Variants in MSI1 observed in about 807,000 individuals in gnomAD.
The protein encoded by MSI1 is musashi RNA binding protein 1.
MSI1 carries 15 observed loss-of-function variants against 54.4 expected under a neutral mutation model. The observed-to-expected ratio is 0.28, with a 90% CI of 0.18 to 0.42. The LOEUF (loss-of-function observed/expected upper bound fraction) is 0.42, where lower values mean the gene tolerates loss of function less well. Among genes scored for constraint, MSI1 ranks in the 20% least tolerant of loss-of-function variants. The probability of loss-of-function intolerance (pLI) is 1.00; values close to 1 mark genes in which losing one functional copy is unlikely to be tolerated. For synonymous variants in MSI1, 200 were observed against 196.5 expected (o/e 1.02, Z -0.15); for missense variants, 304 against 506.0 (o/e 0.60, Z 3.83).
rs760128399 is a variant in MSI1, at chr12:120,353,279, G to A, written c.733+20C>T. The A allele has an allele frequency of 1.9e-6, 3 of 1,611,218 alleles. No individual in the cohort carries two copies. The highest frequency in any genetic ancestry group is 2.5e-6 in the Non-Finnish European group (3 of 1,177,566). ...AACCAGGGGCATGCTGGCAGCAGAG[G>A]GATACTGAGCAGGACTTACCGGGGA... is the stretch of plus-strand genomic sequence containing the variant. On this transcript the variant is annotated intron_variant, in intron 10 of 14. Coordinates refer to ENST00000257552, the MANE Select transcript of MSI1 (RefSeq NM_002442.4).
intron 6 of MSI1, among the ~76,000 whole-genome samples, chr12:120,362,227 G>A (rs1469946326): frequency 6.6e-6 from 1 of 151,928 alleles, no homozygotes; most frequent in African/African-American, 2.4e-5. Flanking sequence ...GGGGTGACTC[G>A]AAGTGTCTTG....
chr12:120,341,505 G>A lies in MSI1; in HGVS notation c.*1622C>T, dbSNP rs1873668675. ...GCAAATCAGAAAACGGAATTCCAGGGTCCTGAGCCCATGGTTGGGCCCAGT... is the reference window on the plus strand; with the variant it reads ...GCAAATCAGAAAACGGAATTCCAGGATCCTGAGCCCATGGTTGGGCCCAGT... On this transcript the variant is annotated 3_prime_UTR_variant, in exon 15 of 15. Transcript: ENST00000257552. 1 of 152,098 alleles carries A rather than the reference G, an allele frequency of 6.6e-6. No individual in the cohort carries two copies. Among genetic ancestry groups the A allele is most frequent in the Admixed American group, 6.6e-5 (1 of 15,216 alleles). 9.4% of individuals were successfully genotyped at this position (152,098 alleles called of 1,614,324 possible).
At position 120,368,400 on chromosome 12, in the gene MSI1, C is replaced by T; in HGVS notation, c.101-127G>A. On this transcript the variant is annotated intron_variant, in intron 2 of 14. Coordinates refer to ENST00000257552, the MANE Select transcript of MSI1 (RefSeq NM_002442.4). This position sits in a 1 kb window ranked among gnomAD's most constrained non-coding sequence, Gnocchi z 6.6. ...CGCCAAGCTGCCCGCGCGTTCTCCA[C>T]TGCCGCCGCCCCCCACCGCCCTCGC... 2 of 965,526 alleles carry T rather than the reference C, an allele frequency of 2.1e-6. No individual in the cohort carries two copies. The highest frequency in any genetic ancestry group is 2.9e-6 in the Non-Finnish European group (2 of 687,450). The allele number at this position is 965,526 out of a possible 1,614,324, so 59.8% of individuals were successfully genotyped here. A position where few individuals can be genotyped will look rare whatever the true frequency, so the allele number is the denominator to read the frequency against.
chr12:120,356,521 T>C (rs1875131270), intron 9 of MSI1, among the ~76,000 whole-genome samples: 1 of 152,192 alleles, frequency 6.6e-6, no homozygotes. Flanking sequence ...CCCTGCCAGA[T>C]TGTAAAGAAA....
chr12:120,368,929 A>AG lies in MSI1; in HGVS notation c.60-57dup. The AG allele has an allele frequency of 1.5e-6, 2 of 1,306,148 alleles. No homozygotes were observed. The highest frequency in any genetic ancestry group is 2.0e-6 in the Non-Finnish European group (2 of 1,008,956). 80.9% of individuals were successfully genotyped at this position (1,306,148 alleles called of 1,614,324 possible). On this transcript the variant is annotated intron_variant, in intron 1 of 14. Coordinates refer to ENST00000257552, the MANE Select transcript of MSI1 (RefSeq NM_002442.4). This position sits in a 1 kb window ranked among gnomAD's most constrained non-coding sequence, Gnocchi z 6.6. ...GCGTGAGCGCCGGGCGCCAGGGCGCAGGGGGCGCGGGCCCGGGCTCCGGGG... is the reference window on the plus strand; with the variant it reads ...GCGTGAGCGCCGGGCGCCAGGGCGCAGGGGGGCGCGGGCCCGGGCTCCGGGG...
chr12:120,346,132 C>T lies in MSI1; in HGVS notation c.1047+3G>A, dbSNP rs751621395. 6 of 1,547,046 alleles carry T rather than the reference C, an allele frequency of 3.9e-6. No homozygotes were observed. The Admixed American group carries it at 7.8e-5, about 20-fold the overall frequency. On this transcript the variant is annotated splice_donor_region_variant and intron_variant, in intron 13 of 14. Transcript: ENST00000257552. ...GTGGGGGCCGCTAGGCCTGGCCACT[C>T]ACCCCAAGACTGTGGCCGAAGCCGG...
Position 120,369,082 on chromosome 12 carries a change from C to T in MSI1, c.10G>A (p.Asp4Asn). 9.8e-7 allele frequency: 1 copy of T among 1,019,400 alleles called. No individual in the cohort carries two copies. The highest frequency in any genetic ancestry group is 1.2e-6 in the Non-Finnish European group (1 of 856,518). 63.1% of individuals were successfully genotyped at this position (1,019,400 alleles called of 1,614,324 possible). ...GAGGCGAGGCCGGGCTGGGGCGCGT[C>T]AGTCTCCATCGGGAGCCGCGGGCGG... is the stretch of plus-strand genomic sequence containing the variant. MET[D>N]APQPGLASPD... Residue 4 changes from aspartate to asparagine, a missense_variant, in exon 1 of 15, where the codon GAC becomes AAC. By Grantham distance (23) the Asp-to-Asn change is conservative. Transcript: ENST00000257552.
chr12:120,352,812 TG>T (rs1874743265), intron 10 of MSI1, among the ~76,000 whole-genome samples: 2 of 152,228 alleles, frequency 1.3e-5, no homozygotes, highest in African/African-American at 4.8e-5. Context: ...ATCTTTATGT[TG>T]GCTTACAAAT....
Position 120,346,283 on chromosome 12 carries a change from G to T in MSI1, c.899C>A (p.Thr300Asn). ...CAGGAAGCCCCCTGTGCGGCTGGGA[G>T]TCGAACCTGGAGGGGGAGCCATCGT... Reference protein sequence around the residue: ...PWTMAPPPGSTPSRTGGFLGT... With the variant: ...PWTMAPPPGSNPSRTGGFLGT... The change falls in exon 13 of 15, where the codon ACT (threonine) becomes AAT (asparagine). Residue 300 changes from threonine to asparagine, a missense_variant. Transcript: ENST00000257552. 1 of 1,583,608 alleles carries T rather than the reference G, an allele frequency of 6.3e-7. No homozygotes were observed.
chr12:120,351,711 CT>C (rs34601359), intron 10 of MSI1, among the ~76,000 whole-genome samples: 83,687 of 125,264 alleles, frequency 0.67, 27,029 homozygotes, highest in South Asian at 0.76. Flanking sequence ...TTCTTTCTCT[CT>C]TTTTTTTTTT....
intron 10 of MSI1, 76 bp from the exon 11 acceptor site, chr12:120,351,476 C>G: frequency 7.5e-7 from 1 of 1,328,896 alleles, no homozygotes; most frequent in Non-Finnish European, 1.1e-6. Flanking sequence ...GACAAATGCA[C>G]CCACAGGGAC....
chr12:120,343,713 TTGTC>T (rs1389871841), intron 14 of MSI1, among the ~76,000 whole-genome samples: 5 of 152,204 alleles, frequency 3.3e-5, no homozygotes, highest in Non-Finnish European at 7.3e-5. Context: ...AGAGAGGACT[TTGTC>T]TGTCTTGTTC....
At chr12:120,350,918 G>A (rs923781382) in intron 11 of MSI1, among the ~76,000 whole-genome samples, 2 of 152,194 alleles carry the variant, frequency 1.3e-5, no homozygotes, top group African/African-American at 4.8e-5. Flanking sequence ...TGAGATCTGA[G>A]CATAGTGAGT....
At position 120,368,315 on chromosome 12, in the gene MSI1, G is replaced by A. The variant is rs1876149983; in HGVS notation, c.101-42C>T. 1 of 1,458,106 alleles carries A rather than the reference G, an allele frequency of 6.9e-7. No individual in the cohort carries two copies. Among genetic ancestry groups the A allele is most frequent in the Non-Finnish European group, 9.0e-7 (1 of 1,108,974 alleles). 90.3% of individuals were successfully genotyped at this position (1,458,106 alleles called of 1,614,324 possible). A position where few individuals can be genotyped will look rare whatever the true frequency, so the allele number is the denominator to read the frequency against. The stretch of plus-strand genomic sequence containing the variant: ...GCCTTCGGACCAGCCCGGGCCCCGC[G>A]CCCTTCCCCCCCCCCCGTCCTTTGC... On this transcript the variant is annotated intron_variant, in intron 2 of 14. Coordinates refer to ENST00000257552, the MANE Select transcript of MSI1 (RefSeq NM_002442.4). The surrounding 1 kb of genome is among the most constrained non-coding windows in gnomAD (Gnocchi z 6.6).
intron 6 of MSI1, 104 bp from the exon 7 acceptor site, chr12:120,359,157 G>T: frequency 7.2e-7 from 1 of 1,397,786 alleles, no homozygotes; most frequent in Admixed American, 2.0e-5. Context: ...CCCACTCCAG[G>T]CTTGACCTTC....
intron 10 of MSI1, 54 bp downstream of exon 10, chr12:120,353,245 C>T: frequency 6.4e-7 from 1 of 1,558,186 alleles, no homozygotes; most frequent in Non-Finnish European, 8.8e-7. Context: ...AGAAGTCAGA[C>T]TGCCCGGGAA....
chr12:120,362,987 C>T (rs1175645302), intron 6 of MSI1, 56 bp downstream of exon 6: 1 of 1,428,818 alleles, frequency 7.0e-7, no homozygotes, highest in Non-Finnish European at 9.8e-7. Flanking sequence ...TTGCTAGTGC[C>T]CCATTCTACA....
chr12:120,364,544 C>T (rs1424324312), intron 5 of MSI1, among the ~76,000 whole-genome samples, 170 bp downstream of exon 5: 2 of 152,108 alleles, frequency 1.3e-5, no homozygotes. Flanking sequence ...ATAGTGTCTT[C>T]AGGCCACAGA....
At chr12:120,361,827 A>G (rs771395807) in intron 6 of MSI1, among the ~76,000 whole-genome samples, 1 of 151,382 alleles carries the variant, frequency 6.6e-6, no homozygotes, top group Non-Finnish European at 1.5e-5. Context: ...CCGGTTTCAC[A>G]TGCCAACGCC....
Sources: allele counts gnomAD v4.1 joint callset (sites outside exome capture counted in the v4.1 genomes callset), GRCh38; gene constraint gnomAD v4.1.1; non-coding constraint Gnocchi (gnomAD v3.1); transcripts MANE v1.5; gene names NCBI Gene and HGNC (gene_info 2026-07-23, HGNC 2026-07-21).